SCHIP1: variants seen among roughly 807,000 people sequenced by gnomAD.
SCHIP1 encodes schwannomin interacting protein 1.
In SCHIP1, 8 loss-of-function variants were observed where a neutral mutation model predicts 29.7. The ratio of observed to expected loss-of-function variants is 0.27; its 90% confidence interval spans 0.16 to 0.49. The LOEUF (loss-of-function observed/expected upper bound fraction) is 0.49. Among genes scored for constraint, SCHIP1 ranks in the 20% least tolerant of loss-of-function variants. The pLI, the probability that SCHIP1 is intolerant of heterozygous loss-of-function variation, is 0.99. For missense variants in SCHIP1, 193 were observed against 294.6 expected (o/e 0.66, Z 2.52); for synonymous variants, 76 against 94.9 (o/e 0.80, Z 1.16).
chr3:159,453,765 A>T, the SCHIP1 span, among the ~76,000 whole-genome samples: 1 of 152,048 alleles, frequency 6.6e-6, no homozygotes, highest in African/African-American at 2.4e-5. Flanking sequence ...TTTCCTTTAA[A>T]CCACCCACCT....
intron 1 of SCHIP1, among the ~76,000 whole-genome samples, chr3:159,840,775 C>T (rs947656534): frequency 6.6e-6 from 1 of 152,138 alleles, no homozygotes; most frequent in Non-Finnish European, 1.5e-5. Flanking sequence ...GGTAAATAAG[C>T]ATTAAAGTAT....
the SCHIP1 span, among the ~76,000 whole-genome samples, chr3:159,531,019 A>T: frequency 2.6e-5 from 4 of 152,216 alleles, no homozygotes; most frequent in African/African-American, 9.6e-5. Flanking sequence ...CCAGAGCCTC[A>T]TCACAATTGA....
intron 2 of SCHIP1, among the ~76,000 whole-genome samples, chr3:159,873,385 T>G (rs1164844600): frequency 6.6e-6 from 1 of 152,208 alleles, no homozygotes; most frequent in Non-Finnish European, 1.5e-5. Flanking sequence ...TGTGAGAAAT[T>G]ATCAAGTAAC....
At chr3:159,828,121 AAGAC>A in the SCHIP1 span, among the ~76,000 whole-genome samples, 1 of 151,466 alleles carries the variant, frequency 6.6e-6, no homozygotes, top group Non-Finnish European at 1.5e-5. Flanking sequence ...TTGATATAAA[AAGAC>A]AGCCATCTGA....
At chr3:159,382,080 A>G in the SCHIP1 span, among the ~76,000 whole-genome samples, 1 of 151,628 alleles carries the variant, frequency 6.6e-6, no homozygotes, top group Non-Finnish European at 1.5e-5. Context: ...TAAGTCACAT[A>G]GCCACACTTA....
the SCHIP1 span, among the ~76,000 whole-genome samples, chr3:159,547,213 C>T: frequency 6.6e-6 from 1 of 152,138 alleles, no homozygotes; most frequent in South Asian, 2.1e-4. Flanking sequence ...CGCATTAATG[C>T]CTTCTTTTGC....
the SCHIP1 span, among the ~76,000 whole-genome samples, chr3:159,676,845 A>G: frequency 1.3e-5 from 2 of 152,232 alleles, no homozygotes; most frequent in Admixed American, 6.5e-5. Flanking sequence ...CTTCCTACTC[A>G]GAATTTTATA....
At chr3:159,472,781 G>A in the SCHIP1 span, among the ~76,000 whole-genome samples, 1 of 152,156 alleles carries the variant, frequency 6.6e-6, no homozygotes, top group Non-Finnish European at 1.5e-5. Context: ...GTACCGACCT[G>A]ACCAGCTGAG....
the SCHIP1 span, among the ~76,000 whole-genome samples, chr3:159,834,194 G>A: frequency 6.6e-6 from 1 of 152,204 alleles, no homozygotes; most frequent in Admixed American, 6.5e-5. Flanking sequence ...TACTATGTCA[G>A]ACATTGGGGA....
At chr3:159,427,025 G>T in the SCHIP1 span, among the ~76,000 whole-genome samples, 1 of 152,212 alleles carries the variant, frequency 6.6e-6, no homozygotes, top group South Asian at 2.1e-4. Context: ...GGTATTGATG[G>T]GACGTATCTC....
At chr3:159,587,397 G>C in the SCHIP1 span, among the ~76,000 whole-genome samples, 2 of 149,306 alleles carry the variant, frequency 1.3e-5, no homozygotes, top group Non-Finnish European at 3.0e-5. Context: ...AAAAAAAAAA[G>C]ACTTATTACC....
At chr3:159,784,305 A>G in the SCHIP1 span, among the ~76,000 whole-genome samples, 3 of 152,214 alleles carry the variant, frequency 2.0e-5, no homozygotes, top group Non-Finnish European at 4.4e-5. Flanking sequence ...AAAGAATGAA[A>G]GAGAGAAACT....
the SCHIP1 span, among the ~76,000 whole-genome samples, chr3:159,437,253 G>A: frequency 6.6e-6 from 1 of 152,144 alleles, no homozygotes; most frequent in Admixed American, 6.6e-5. Context: ...AGGATCCTGG[G>A]CTGTCTCACA....
chr3:159,478,601 A>C, the SCHIP1 span, among the ~76,000 whole-genome samples: 2 of 151,444 alleles, frequency 1.3e-5, no homozygotes, highest in Non-Finnish European at 2.9e-5. Flanking sequence ...TGTATTTTCT[A>C]TTCTGTGAAA....
the SCHIP1 span, among the ~76,000 whole-genome samples, chr3:159,469,944 A>G: frequency 2.0e-5 from 3 of 152,196 alleles, no homozygotes. Context: ...TTAAATAATA[A>G]TGAACATAAC....
At chr3:159,465,399 T>A in the SCHIP1 span, among the ~76,000 whole-genome samples, 1 of 151,524 alleles carries the variant, frequency 6.6e-6, no homozygotes, top group African/African-American at 2.4e-5. Context: ...GAGAGACCAT[T>A]TATTTTAATC....
the SCHIP1 span, among the ~76,000 whole-genome samples, chr3:159,688,625 C>T: frequency 6.6e-6 from 1 of 151,908 alleles, no homozygotes; most frequent in Admixed American, 6.6e-5. Flanking sequence ...GTCAGTTTTG[C>T]CTTTTGTTGC....
chr3:159,385,342 G>A, the SCHIP1 span, among the ~76,000 whole-genome samples: 4 of 152,142 alleles, frequency 2.6e-5, no homozygotes, highest in Non-Finnish European at 4.4e-5. Context: ...CAGATCAGTT[G>A]AGGCCAGGAG....
chr3:159,520,407 G>A, the SCHIP1 span, among the ~76,000 whole-genome samples: 1 of 152,192 alleles, frequency 6.6e-6, no homozygotes, highest in Admixed American at 6.5e-5. Flanking sequence ...GGGGGTACAG[G>A]ACCCTACAAA....
Sources: allele counts gnomAD v4.1 joint callset (sites outside exome capture counted in the v4.1 genomes callset), GRCh38; gene constraint gnomAD v4.1.1; transcripts MANE v1.5; gene names NCBI Gene and HGNC (gene_info 2026-07-23, HGNC 2026-07-21).